Variants in HHAT observed in about 807,000 individuals in gnomAD.
HHAT encodes protein-cysteine N-palmitoyltransferase HHAT.
In HHAT, 47 loss-of-function variants were observed where a neutral mutation model predicts 70.8. That is an observed-to-expected ratio of 0.66 (90% CI 0.53 to 0.85). The LOEUF is 0.85. Among genes scored for constraint, HHAT ranks in the 40% least tolerant of loss-of-function variants. The probability of loss-of-function intolerance (pLI) is 0.00; values close to 1 mark genes in which losing one functional copy is unlikely to be tolerated. For synonymous variants in HHAT, 228 were observed against 247.6 expected, an observed-to-expected ratio of 0.92 and a Z score of 0.74; for missense variants, 609 against 604.8, an observed-to-expected ratio of 1.01 and a Z score of -0.07.
intron 2 of HHAT, among the ~76,000 whole-genome samples, chr1:210,358,860 G>GT (rs1263934461): frequency 6.6e-6 from 1 of 152,142 alleles, no homozygotes; most frequent in African/African-American, 2.4e-5. Flanking sequence ...GTGAAAAGGG[G>GT]TAGGTTAGTT....
intron 8 of HHAT, among the ~76,000 whole-genome samples, chr1:210,472,705 G>A (rs1387137700): frequency 1.3e-5 from 2 of 152,136 alleles, no homozygotes; most frequent in Non-Finnish European, 2.9e-5. Context: ...AGTCTCAAGA[G>A]GTCCTGAGAA....
intron 8 of HHAT, among the ~76,000 whole-genome samples, chr1:210,469,251 A>G (rs577655195): frequency 2.0e-5 from 3 of 152,236 alleles, no homozygotes; most frequent in South Asian, 2.1e-4. Flanking sequence ...CCTTCAGAGG[A>G]GTGGCCTTGG....
chr1:210,632,004 G>T lies in HHAT; in HGVS notation c.1390+8334G>T, dbSNP rs140028272. The stretch of plus-strand genomic sequence containing the variant: ...GATTGTTGAAGGGTCAGAGCTTCCA[G>T]CTGACACCTGTCAATTGGGCCTAGT... On this transcript the variant is annotated intron_variant, in intron 11 of 11. Transcript: ENST00000261458. Among the ~76,000 whole-genome samples the T allele has an allele frequency of 4.6e-5, 7 of 152,328 alleles. No individual in the cohort carries two copies. In the East Asian group the frequency reaches 1.4e-3, roughly 29 times the overall value.
At chr1:210,489,208 G>C (rs565182121) in intron 8 of HHAT, among the ~76,000 whole-genome samples, 1 of 152,298 alleles carries the variant, frequency 6.6e-6, no homozygotes, top group East Asian at 1.9e-4. Flanking sequence ...AAAATGTGCT[G>C]ATTTGTAAAA....
At chr1:210,510,480 C>T (rs75170220) in intron 8 of HHAT, among the ~76,000 whole-genome samples, 1 of 152,104 alleles carries the variant, frequency 6.6e-6, no homozygotes, top group African/African-American at 2.4e-5. Flanking sequence ...GTGGGCGGCA[C>T]CTGGGGAGAA....
intron 11 of HHAT, among the ~76,000 whole-genome samples, chr1:210,671,876 C>T (rs533102898): frequency 5.6e-4 from 85 of 152,216 alleles, no homozygotes; most frequent in Non-Finnish European, 1.0e-3. Flanking sequence ...CGTCTGCTGC[C>T]CTCACCTCTC....
At chr1:210,366,203 T>G (rs889156941) in intron 3 of HHAT, among the ~76,000 whole-genome samples, 31 of 152,316 alleles carry the variant, frequency 2.0e-4, no homozygotes, top group African/African-American at 7.5e-4. Context: ...TGAGCTATGC[T>G]GCCTGGCCAC....
intron 9 of HHAT, among the ~76,000 whole-genome samples, chr1:210,524,850 A>G (rs1355571025): frequency 3.9e-5 from 6 of 152,030 alleles, no homozygotes; most frequent in Non-Finnish European, 8.8e-5. Context: ...GAGCAACAAT[A>G]GACCTAAAAT....
At chr1:210,435,830 C>T (rs1455028663) in intron 7 of HHAT, among the ~76,000 whole-genome samples, 1 of 150,792 alleles carries the variant, frequency 6.6e-6, no homozygotes, top group African/African-American at 2.5e-5. Context: ...TTTTTGCTGT[C>T]GAGTTGTTTG....
intron 4 of HHAT, among the ~76,000 whole-genome samples, chr1:210,396,665 A>AAT (rs1306413902): frequency 1.3e-5 from 2 of 152,264 alleles, no homozygotes; most frequent in African/African-American, 4.8e-5. Flanking sequence ...TTTTATTTGT[A>AAT]ATAGCCCCAC....
intron 8 of HHAT, among the ~76,000 whole-genome samples, chr1:210,495,877 G>T (rs888996936): frequency 1.3e-5 from 2 of 151,978 alleles, no homozygotes; most frequent in Non-Finnish European, 2.9e-5. Flanking sequence ...GTATGGTGGT[G>T]CATGCCTGTA....
intron 11 of HHAT, among the ~76,000 whole-genome samples, chr1:210,636,316 G>A (rs1490121428): frequency 6.6e-6 from 1 of 152,124 alleles, no homozygotes; most frequent in Non-Finnish European, 1.5e-5. Flanking sequence ...CTTCTCCTTT[G>A]GAGGTGGGAA....
At chr1:210,491,765 T>TTTTG (rs978061184) in intron 8 of HHAT, among the ~76,000 whole-genome samples, 6 of 152,194 alleles carry the variant, frequency 3.9e-5, no homozygotes, top group East Asian at 1.9e-4. Flanking sequence ...TATTTAGCTT[T>TTTTG]TTTGTTTGTT....
At chr1:210,593,160 AT>A (rs1223951225) in intron 10 of HHAT, among the ~76,000 whole-genome samples, 2 of 152,070 alleles carry the variant, frequency 1.3e-5, no homozygotes, top group South Asian at 4.1e-4. Flanking sequence ...CATTTCATTG[AT>A]TTTTGTATTT....
At chr1:210,359,411 C>G (rs1571863260) in intron 2 of HHAT, among the ~76,000 whole-genome samples, 1 of 152,282 alleles carries the variant, frequency 6.6e-6, no homozygotes, top group East Asian at 1.9e-4. Context: ...GAGAACATCA[C>G]TATTGTAAAA....
At chr1:210,468,505 G>A (rs111466214) in intron 8 of HHAT, among the ~76,000 whole-genome samples, 608 of 152,304 alleles carry the variant, frequency 4.0e-3, no homozygotes, top group Non-Finnish European at 6.3e-3. Flanking sequence ...TCTGGGTGCT[G>A]TTGGTGGCTG....
chr1:210,531,360 G>A (rs964431765), intron 9 of HHAT, among the ~76,000 whole-genome samples: 1 of 152,178 alleles, frequency 6.6e-6, no homozygotes, highest in Non-Finnish European at 1.5e-5. Context: ...CTGAAAAGCT[G>A]GTGGACCTCT....
intron 7 of HHAT, chr1:210,462,360 C>T (rs114166247): frequency 6.6e-6 from 1 of 152,198 alleles, no homozygotes; most frequent in African/African-American, 2.4e-5. Flanking sequence ...GTCCTGCCAT[C>T]TCTAGTTGTG....
intron 2 of HHAT, among the ~76,000 whole-genome samples, chr1:210,351,524 A>G (rs1428993334): frequency 6.6e-6 from 1 of 152,200 alleles, no homozygotes; most frequent in South Asian, 2.1e-4. Flanking sequence ...GTGTTGGATT[A>G]CATGATTTTT....
Sources: allele counts gnomAD v4.1 joint callset (sites outside exome capture counted in the v4.1 genomes callset), GRCh38; gene constraint gnomAD v4.1.1; transcripts MANE v1.5; gene names NCBI Gene and HGNC (gene_info 2026-07-23, HGNC 2026-07-21).